Variants in LPIN1 observed in about 807,000 individuals in gnomAD.
LPIN1 encodes phosphatidate phosphatase LPIN1.
A neutral mutation model predicts 107.5 loss-of-function variants in LPIN1; 71 were observed. The ratio of observed to expected loss-of-function variants is 0.66; its 90% CI spans 0.55 to 0.80. The LOEUF (loss-of-function observed/expected upper bound fraction) is 0.80. Among genes scored for constraint, LPIN1 ranks in the 30% least tolerant of loss-of-function variants. The pLI, the probability that LPIN1 is intolerant of heterozygous loss-of-function variation, is 0.00. For synonymous variants in LPIN1, 445 were observed against 452.6 expected (o/e 0.98, Z 0.21); for missense variants, 1,043 against 1,160.6 (o/e 0.90, Z 1.47).
rs774861372 is a variant in LPIN1, at chr2:11,782,353, C to A, written c.1110C>A (p.Asn370Lys). Residue 370 changes from asparagine (N) to lysine (K), a missense_variant, in exon 8 of 21, where the codon AAC becomes AAA. Coordinates refer to ENST00000674199, the MANE Select transcript of LPIN1 (RefSeq NM_001349206.2). ...TLVGGALLDQ[N>K]KPQTEMQFVN... ...TCGGTGGGGCACTTTTGGACCAGAA[C>A]AAGCCTCAGACAGAAATGCAGTTTG... The A allele has an allele frequency of 5.5e-5, 88 of 1,614,096 alleles. No individual in the cohort carries two copies. Among genetic ancestry groups the A allele is most frequent in the Non-Finnish European group, 6.1e-5 (72 of 1,180,038 alleles).
chr2:11,716,879 A>G (rs1663782163), intron 2 of LPIN1, among the ~76,000 whole-genome samples: 1 of 152,222 alleles, frequency 6.6e-6, no homozygotes, highest in Non-Finnish European at 1.5e-5. Context: ...AAGCAACACC[A>G]TTCACGTTGT....
chr2:11,814,057 G>C (rs73189043), intron 17 of LPIN1, among the ~76,000 whole-genome samples: 1 of 152,154 alleles, frequency 6.6e-6, no homozygotes, highest in South Asian at 2.1e-4. Flanking sequence ...TAGGGAGTGT[G>C]GGGGGTGTGG....
chr2:11,689,891 TGA>T (rs1281118641), intron 1 of LPIN1, among the ~76,000 whole-genome samples: 1 of 152,064 alleles, frequency 6.6e-6, no homozygotes, highest in Non-Finnish European at 1.5e-5. Context: ...GGTGACAGGG[TGA>T]GACTCTGTCT....
chr2:11,691,268 T>C (rs1662259472), intron 1 of LPIN1, among the ~76,000 whole-genome samples: 1 of 152,150 alleles, frequency 6.6e-6, no homozygotes, highest in Non-Finnish European at 1.5e-5. Flanking sequence ...GCTCCCGTCT[T>C]ACAGTGATAT....
upstream of LPIN1, among the ~76,000 whole-genome samples, chr2:11,744,918 C>G (rs1163097154): frequency 1.3e-5 from 2 of 152,244 alleles, no homozygotes; most frequent in Non-Finnish European, 1.5e-5. Flanking sequence ...GCAATGTCAG[C>G]ATGGGACAGG....
intron 14 of LPIN1, among the ~76,000 whole-genome samples, chr2:11,801,243 C>A (rs1230917445): frequency 2.0e-5 from 3 of 152,194 alleles, no homozygotes; most frequent in Non-Finnish European, 4.4e-5. Context: ...ATCCAGCAAT[C>A]CCACTACTGC....
At chr2:11,792,382 C>G (rs971733198) in intron 13 of LPIN1, 1 of 238,452 alleles carries the variant, frequency 4.2e-6, no homozygotes, top group African/African-American at 2.3e-5. Flanking sequence ...TCTCCCCTCC[C>G]CTCCCCTCCT....
At chr2:11,727,525 T>G (rs1014786633) in intron 1 of LPIN1, among the ~76,000 whole-genome samples, 3 of 152,222 alleles carry the variant, frequency 2.0e-5, no homozygotes, top group Non-Finnish European at 4.4e-5. Context: ...GGTGCTTGTG[T>G]GCTCACTGCT....
chr2:11,776,594 T>C (rs2148645089), intron 6 of LPIN1, among the ~76,000 whole-genome samples: 1 of 152,368 alleles, frequency 6.6e-6, no homozygotes, highest in Non-Finnish European at 1.5e-5. Flanking sequence ...CAAATAAGTT[T>C]ACAAGATATT....
upstream of LPIN1, chr2:11,722,237 C>G (rs1003225429): frequency 3.3e-5 from 5 of 152,280 alleles, no homozygotes; most frequent in African/African-American, 1.2e-4. Context: ...CCCAAATCCA[C>G]CCAGCTCCAT....
At chr2:11,788,579 G>T (rs1466889376) in intron 12 of LPIN1, 123 bp downstream of exon 12, 6 of 795,706 alleles carry the variant, frequency 7.5e-6, no homozygotes, top group African/African-American at 1.7e-5. Flanking sequence ...CTCTTTTGAA[G>T]TTCATGAGCA....
chr2:11,724,464 C>G (rs1254182499), exon 1 of LPIN1: 13 of 985,760 alleles, frequency 1.3e-5, no homozygotes, highest in Non-Finnish European at 1.6e-5. Context: ...GTCCTAACAG[C>G]AGCCACCCAG....
intron 1 of LPIN1, among the ~76,000 whole-genome samples, chr2:11,705,565 G>T (rs1236876035): frequency 6.6e-6 from 1 of 152,186 alleles, no homozygotes; most frequent in Non-Finnish European, 1.5e-5. Context: ...TGTGGCCTGG[G>T]GGGTGAAGAG....
chr2:11,788,573 T>G, intron 12 of LPIN1, 117 bp downstream of exon 12: 1 of 829,684 alleles, frequency 1.2e-6, no homozygotes, highest in Non-Finnish European at 2.1e-6. Flanking sequence ...ACTGTGCTCT[T>G]TTGAAGTTCA....
At chr2:11,728,769 A>G (rs1664913010) in intron 1 of LPIN1, among the ~76,000 whole-genome samples, 1 of 151,726 alleles carries the variant, frequency 6.6e-6, no homozygotes, top group Admixed American at 6.6e-5. Context: ...ATTCTATTTT[A>G]TCTCCCTATT....
At chr2:11,686,101 G>A (rs1255508744) in intron 1 of LPIN1, among the ~76,000 whole-genome samples, 1 of 152,158 alleles carries the variant, frequency 6.6e-6, no homozygotes, top group Admixed American at 6.5e-5. Context: ...ACTTTCCATT[G>A]TGGTTATGTT....
intron 7 of LPIN1, among the ~76,000 whole-genome samples, chr2:11,780,993 G>T (rs1238528260): frequency 2.0e-5 from 3 of 152,084 alleles, no homozygotes; most frequent in East Asian, 1.9e-4. Flanking sequence ...AATTTTATTT[G>T]GTATGCTAAT....
intron 4 of LPIN1, among the ~76,000 whole-genome samples, chr2:11,773,170 A>G (rs1353877175): frequency 6.6e-6 from 1 of 152,202 alleles, no homozygotes; most frequent in African/African-American, 2.4e-5. Context: ...GGTTGATGCC[A>G]TTTATTTCTT....
intron 17 of LPIN1, among the ~76,000 whole-genome samples, chr2:11,806,886 T>A (rs1184034160): frequency 6.6e-6 from 1 of 152,136 alleles, no homozygotes; most frequent in African/African-American, 2.4e-5. Flanking sequence ...ACACATACAC[T>A]CACATTATTT....
Sources: gnomAD v4.1 joint callset for allele counts (sites outside exome capture counted in the v4.1 genomes callset) on GRCh38, gnomAD v4.1.1 for gene constraint, MANE v1.5 for transcripts, NCBI Gene and HGNC (gene_info 2026-07-23, HGNC 2026-07-21) for gene names.